EVC: variants seen among roughly 807,000 people sequenced by gnomAD.
EVC encodes EvC ciliary complex subunit 1.
Under a neutral mutation model 118.9 loss-of-function variants are expected in EVC, and 116 were observed. The ratio of observed to expected loss-of-function variants is 0.98; its 90% CI spans 0.84 to 1.14. The LOEUF is 1.14. Ranked by LOEUF, EVC falls within the 50% of genes most tolerant of loss-of-function variation. EVC has a pLI of 0.00. For missense variants in EVC, 1,401 were observed against 1,246.4 expected (o/e 1.12, Z -1.87); for synonymous variants, 619 against 534.7 (o/e 1.16, Z -2.18).
intron 5 of EVC, among the ~76,000 whole-genome samples, chr4:5,736,906 C>T (rs1018394961): frequency 2.0e-5 from 3 of 152,054 alleles, no homozygotes; most frequent in African/African-American, 7.2e-5. Context: ...AAGAGAGTCG[C>T]GTGTCTCTCA....
At chr4:5,793,798 T>C (rs1713242796) in intron 13 of EVC, 81 bp downstream of exon 13, 1 of 1,088,456 alleles carries the variant, frequency 9.2e-7, no homozygotes. Flanking sequence ...ATCTGTACAG[T>C]GGGCACGCTG....
chr4:5,799,882 T>C (rs1714663814), intron 15 of EVC, among the ~76,000 whole-genome samples: 1 of 152,246 alleles, frequency 6.6e-6, no homozygotes, highest in South Asian at 2.1e-4. Flanking sequence ...ATATTGGGAA[T>C]GTCACCCTGT....
rs1439843090 is a variant in EVC, at chr4:5,746,458, G to T, written c.939+1117G>T. Among the ~76,000 whole-genome samples the T allele has an allele frequency of 6.6e-6, 1 of 152,204 alleles. No homozygotes were observed. The highest frequency in any genetic ancestry group is 1.9e-4 in the East Asian group (1 of 5,188). On this transcript the variant is annotated intron_variant, in intron 7 of 20. Coordinates refer to ENST00000264956, the MANE Select transcript of EVC (RefSeq NM_153717.3). This position sits in a 1 kb window ranked among gnomAD's most constrained non-coding sequence, Gnocchi z 5.8. ...AGCGCCCCAGAGCAAGATGCTCATG[G>T]GAGGGAGGGAGCCAATGCTCCTGTC...
rs1015657764 is a variant in EVC at position 5,711,611 on chromosome 4, G to T, written c.174+57G>T. 60 of 1,137,830 alleles carry T rather than the reference G, an allele frequency of 5.3e-5. No homozygotes were observed. In the Middle Eastern group the frequency reaches 1.5e-3, roughly 28 times the overall value. The allele number at this position is 1,137,830 out of a possible 1,614,324, so 70.5% of individuals were successfully genotyped here. ...GGGAGCGCGGGGCGCGTGGCTTCTGGGTCCTGCGGGCCCGGAGCCCCGGCT... is the reference window on the plus strand; with the variant it reads ...GGGAGCGCGGGGCGCGTGGCTTCTGTGTCCTGCGGGCCCGGAGCCCCGGCT... On this transcript the variant is annotated intron_variant, in intron 1 of 20. Coordinates refer to ENST00000264956, the MANE Select transcript of EVC (RefSeq NM_153717.3).
In EVC at chr4:5,797,132, G is replaced by T. The variant is rs1714112699; in HGVS notation, c.1997G>T (p.Gly666Val). ...LATLTQMRLS[G>V]KKHLLQELRE... The stretch of plus-strand genomic sequence containing the variant: ...ACCCTGACGCAGATGCGGCTATCGG[G>T]GAAGAAGCACCTCCTGCAGGAGCTG... The change falls in exon 14 of 21, where the codon GGG becomes GTG. Residue 666 changes from glycine to valine, a missense_variant. Transcript: ENST00000264956. 2 of 1,613,522 alleles carry T rather than the reference G, an allele frequency of 1.2e-6. No individual in the cohort carries two copies. Among genetic ancestry groups the T allele is most frequent in the South Asian group, 2.2e-5 (2 of 91,082 alleles).
intron 11 of EVC, among the ~76,000 whole-genome samples, chr4:5,778,291 G>A (rs1215698286): frequency 4.6e-5 from 7 of 151,822 alleles, no homozygotes; most frequent in Admixed American, 1.3e-4. Context: ...TAGTGCCGCA[G>A]TAAACATACG....
chr4:5,826,005 A>G, the EVC span: 3 of 349,888 alleles, frequency 8.6e-6, no homozygotes, highest in Middle Eastern at 7.9e-4. Flanking sequence ...ACACGCGTGA[A>G]CACGCACACA....
downstream of EVC, among the ~76,000 whole-genome samples, chr4:5,817,950 G>A (rs11931526): frequency 5.3e-3 from 812 of 152,296 alleles, 5 homozygotes; most frequent in African/African-American, 0.018. Context: ...CTTTTTAAGA[G>A]TCAATATGCA....
At chr4:5,801,755 C>T (rs980425638) in intron 15 of EVC, 195 bp from the exon 16 acceptor site, 8 of 625,112 alleles carry the variant, frequency 1.3e-5, no homozygotes, top group African/African-American at 1.3e-4. Flanking sequence ...TCTAGACATC[C>T]CTGACCTAAG....
Position 5,783,695 on chromosome 4 carries a change from G to C in EVC, c.1707G>C (p.Leu569=), listed in dbSNP as rs575586341. 6.6e-5 allele frequency: 107 copies of C among 1,614,036 alleles called. No homozygotes were observed. Among genetic ancestry groups the C allele is most frequent in the Admixed American group, 6.5e-4 (39 of 60,010 alleles). Residue 569 remains leucine, a synonymous_variant, in exon 12 of 21, where the codon CTG becomes CTC. Coordinates refer to ENST00000264956, the MANE Select transcript of EVC (RefSeq NM_153717.3). ...TCCAGGAGAACGCTGCCTGGCAGCT[G>C]GGGAAGTCAAATCGCTTCCGGAGGC... The part of the protein sequence containing the change: ...QEVQENAAWQ[L]GKSNRFRRQQ...
At chr4:5,814,622 C>T (rs1247250617), downstream of EVC, among the ~76,000 whole-genome samples, 3 of 152,178 alleles carry the variant, frequency 2.0e-5, no homozygotes, top group African/African-American at 4.8e-5. Flanking sequence ...CTAGGCTGAG[C>T]CCACCCCTGC....
chr4:5,781,762 T>G lies in EVC; in HGVS notation c.1564-1790T>G, dbSNP rs999418951. Among the ~76,000 whole-genome samples the G allele has an allele frequency of 8.5e-5, 13 of 152,124 alleles. No homozygotes were observed. In the East Asian group the frequency reaches 1.9e-3, roughly 23 times the overall value. On this transcript the variant is annotated intron_variant, in intron 11 of 20. Transcript: ENST00000264956. ...GGCTGAGGTGAGAGGGTCACCTGAG[T>G]CCAGGAAGTCGAGGGTGTGATCACG...
rs770196615 is a variant in EVC at position 5,746,351 on chromosome 4, C to T, written c.939+1010C>T. On this transcript the variant is annotated intron_variant, in intron 7 of 20. Coordinates refer to ENST00000264956, the MANE Select transcript of EVC (RefSeq NM_153717.3). This position sits in a 1 kb window ranked among gnomAD's most constrained non-coding sequence, Gnocchi z 5.8. ...GCAGTAGGATGGAGAGGTGAGGAAA[C>T]GTGTGAGAGAAGCTGTGGTGGTCTA... 1.3e-4 allele frequency among the ~76,000 whole-genome samples: 20 copies of T among 151,598 alleles called. No individual in the cohort carries two copies. Among genetic ancestry groups the T allele is most frequent in the Non-Finnish European group, 2.4e-4 (16 of 67,896 alleles).
chr4:5,801,583 G>A (rs770341878), intron 15 of EVC, among the ~76,000 whole-genome samples: 5 of 151,458 alleles, frequency 3.3e-5, no homozygotes, highest in Admixed American at 6.6e-5. Flanking sequence ...GGGAGACTGA[G>A]GCAGGAAAAT....
At position 5,744,832 on chromosome 4, in the gene EVC, G is replaced by A. The variant is rs547057019; in HGVS notation, c.802-372G>A. On this transcript the variant is annotated intron_variant, in intron 6 of 20. Coordinates refer to ENST00000264956, the MANE Select transcript of EVC (RefSeq NM_153717.3). ...AAATACACACCACTTCCTGCCCTGG[G>A]GTGTTGTTCTTTCCCAGGAAAACCA... 2.0e-5 allele frequency among the ~76,000 whole-genome samples: 3 copies of A among 152,156 alleles called. No individual in the cohort carries two copies. In the South Asian group the frequency reaches 6.2e-4, roughly 32 times the overall value.
chr4:5,769,735 T>C (rs746987915), intron 11 of EVC, among the ~76,000 whole-genome samples: 13 of 152,070 alleles, frequency 8.5e-5, no homozygotes, highest in Non-Finnish European at 1.9e-4. Context: ...GAGAAGGTGG[T>C]AAAATCACAG....
the EVC span, chr4:5,825,572 G>A: frequency 8.1e-6 from 13 of 1,601,882 alleles, no homozygotes; most frequent in South Asian, 3.4e-5. The surrounding 1 kb of genome is among the most constrained non-coding windows in gnomAD (Gnocchi z 4.4). Flanking sequence ...TTGGCTGAAG[G>A]AGCGGGAGTT....
chr4:5,792,216 C>G (rs1360663428), intron 12 of EVC, among the ~76,000 whole-genome samples: 1 of 152,120 alleles, frequency 6.6e-6, no homozygotes, highest in Non-Finnish European at 1.5e-5. Context: ...CTAGCAGATC[C>G]ATTCAGATTG....
chr4:5,783,089 C>CGT (rs142165642), intron 11 of EVC, among the ~76,000 whole-genome samples: 5 of 150,120 alleles, frequency 3.3e-5, no homozygotes, highest in South Asian at 2.1e-4. Flanking sequence ...TGCGTGTGTG[C>CGT]GTGTGTGTGT....
Sources: allele counts gnomAD v4.1 joint callset (sites outside exome capture counted in the v4.1 genomes callset), GRCh38; gene constraint gnomAD v4.1.1; non-coding constraint Gnocchi (gnomAD v3.1); transcripts MANE v1.5; gene names NCBI Gene and HGNC (gene_info 2026-07-23, HGNC 2026-07-21).